TLR4: variants seen among roughly 807,000 people sequenced by gnomAD.
TLR4 encodes the protein toll like receptor 4.
Under a neutral mutation model 27.4 loss-of-function variants are expected in TLR4, and 17 were observed. The ratio of observed to expected loss-of-function variants is 0.62; its 90% CI spans 0.42 to 0.93. The LOEUF (loss-of-function observed/expected upper bound fraction) is 0.93, where lower values mean the gene tolerates loss of function less well. TLR4 is among the 40% of genes least tolerant of loss of function. The pLI, the probability that TLR4 is intolerant of heterozygous loss-of-function variation, is 0.00. For synonymous variants in TLR4, 363 were observed against 365.7 expected (o/e 0.99, Z 0.08); for missense variants, 926 against 962.3 (o/e 0.96, Z 0.50).
chr9:117,713,640 T>C lies in TLR4; in HGVS notation c.1512T>C (p.Ser504=), dbSNP rs1829283897. 1 of 1,614,100 alleles carries C rather than the reference T, an allele frequency of 6.2e-7. No individual in the cohort carries two copies. ...ELRNLTFLDL[S]QCQLEQLSPT... is the part of the protein sequence containing the mutation. ...GAAACTTGACCTTCCTGGACCTCTC[T>C]CAGTGTCAACTGGAGCAGTTGTCTC... is the stretch of plus-strand genomic sequence containing the variant. Residue 504 remains serine, a synonymous_variant, in exon 3 of 3, where the codon TCT becomes TCC. Coordinates refer to ENST00000355622, the MANE Select transcript of TLR4 (RefSeq NM_138554.5).
At position 117,721,361 on chromosome 9, in the gene TLR4, C is replaced by T. The variant is rs7037225; in HGVS notation, c.*6713C>T. Reference sequence around the variant, plus strand: ...AGAAGAGTATTTTCTATCCCAAGATCGGTTCCTTGATCTTGTGTCTCCAAA... The same window carrying T: ...AGAAGAGTATTTTCTATCCCAAGATTGGTTCCTTGATCTTGTGTCTCCAAA... On this transcript the variant is annotated 3_prime_UTR_variant, in exon 3 of 3. Coordinates refer to ENST00000355622, the MANE Select transcript of TLR4 (RefSeq NM_138554.5). The T allele has an allele frequency of 0.3, 46,273 of 152,236 alleles. 10,625 individuals carry two copies. The highest frequency in any genetic ancestry group is 0.65 in the African/African-American group (26,883 of 41,464). The allele number at this position is 152,236 out of a possible 1,614,324, so 9.4% of individuals were successfully genotyped here. A position where few individuals can be genotyped will look rare whatever the true frequency, so the allele number is the denominator to read the frequency against.
In TLR4 at chr9:117,718,932, T is replaced by C. The variant is rs61572277; in HGVS notation, c.*4284T>C. 14,158 of 152,266 alleles carry C rather than the reference T, an allele frequency of 0.093. 790 individuals carry two copies. Among genetic ancestry groups the C allele is most frequent in the African/African-American group, 0.15 (6,130 of 41,536 alleles). The allele number at this position is 152,266 out of a possible 1,614,324, so 9.4% of individuals were successfully genotyped here. A position where few individuals can be genotyped will look rare whatever the true frequency, so the allele number is the denominator to read the frequency against. The stretch of plus-strand genomic sequence containing the variant: ...TACTCACGGGATTGTCAGACCCCAG[T>C]CTTCTTCTGGACTCTATAAACTTTT... On this transcript the variant is annotated 3_prime_UTR_variant, in exon 3 of 3. Coordinates refer to ENST00000355622, the MANE Select transcript of TLR4 (RefSeq NM_138554.5).
rs1157877741 is a variant in TLR4, at chr9:117,720,668, T to C, written c.*6020T>C. On this transcript the variant is annotated 3_prime_UTR_variant, in exon 3 of 3. Transcript: ENST00000355622. ...ATGCTCCTAGGAAACTATCTCACTA[T>C]GTAATTAAATCAAAACCAGCCAGTT... 4 of 152,200 alleles carry C rather than the reference T, an allele frequency of 2.6e-5. No individual in the cohort carries two copies. The highest frequency in any genetic ancestry group is 6.5e-5 in the Admixed American group (1 of 15,268). 9.4% of individuals were successfully genotyped at this position (152,200 alleles called of 1,614,324 possible). A position where few individuals can be genotyped will look rare whatever the true frequency, so the allele number is the denominator to read the frequency against.
chr9:117,713,020 G>A lies in TLR4; in HGVS notation c.892G>A (p.Asp298Asn), dbSNP rs145284280. Residue 298 changes from aspartate to asparagine, a missense_variant, in exon 3 of 3, where the codon GAT (aspartate) becomes AAT (asparagine). Asp to Asn is a conservative substitution (Grantham distance 23). Coordinates refer to ENST00000355622, the MANE Select transcript of TLR4 (RefSeq NM_138554.5). The stretch of plus-strand genomic sequence containing the variant: ...ATTAGCATACTTAGACTACTACCTC[G>A]ATGATATTATTGACTTATTTAATTG... ...FRLAYLDYYL[D>N]DIIDLFNCLT... The A allele has an allele frequency of 2.5e-5, 40 of 1,613,882 alleles. No homozygotes were observed. In the African/African-American group the frequency reaches 4.3e-4, roughly 17 times the overall value.
Position 117,715,539 on chromosome 9 carries a change from TATC to T in TLR4, c.*894_*896del, listed in dbSNP as rs1176744084. The T allele has an allele frequency of 6.6e-6, 1 of 152,182 alleles. No homozygotes were observed. Among genetic ancestry groups the T allele is most frequent in the Admixed American group, 6.5e-5 (1 of 15,282 alleles). The allele number at this position is 152,182 out of a possible 1,614,324, so 9.4% of individuals were successfully genotyped here. ...GAAGAAAATTTCCGCTTCCTGGTCTTATCATGGACAATTTGGGCTAGAGGCAGG... is the reference window on the plus strand; with the variant it reads ...GAAGAAAATTTCCGCTTCCTGGTCTTATGGACAATTTGGGCTAGAGGCAGG... On this transcript the variant is annotated 3_prime_UTR_variant, in exon 3 of 3. Coordinates refer to ENST00000355622, the MANE Select transcript of TLR4 (RefSeq NM_138554.5).
At position 117,719,315 on chromosome 9, in the gene TLR4, G is replaced by A. The variant is rs1299274935; in HGVS notation, c.*4667G>A. The A allele has an allele frequency of 6.6e-6, 1 of 152,194 alleles. No homozygotes were observed. The highest frequency in any genetic ancestry group is 1.5e-5 in the Non-Finnish European group (1 of 68,024). The allele number at this position is 152,194 out of a possible 1,614,324, so 9.4% of individuals were successfully genotyped here. A position where few individuals can be genotyped will look rare whatever the true frequency, so the allele number is the denominator to read the frequency against. On this transcript the variant is annotated 3_prime_UTR_variant, in exon 3 of 3. Coordinates refer to ENST00000355622, the MANE Select transcript of TLR4 (RefSeq NM_138554.5). ...ATTTACAAATGAGGAGTCTGAGTCT[G>A]GGAGTCATTCTGTCATGTGTCCACT... is the stretch of plus-strand genomic sequence containing the variant.
In TLR4 at chr9:117,714,721, T is replaced by A; in HGVS notation, c.*73T>A. 1 of 1,309,024 alleles carries A rather than the reference T, an allele frequency of 7.6e-7. No individual in the cohort carries two copies. The highest frequency in any genetic ancestry group is 1.1e-6 in the Non-Finnish European group (1 of 915,792). 81.1% of individuals were successfully genotyped at this position (1,309,024 alleles called of 1,614,324 possible). ...CAACACTTGTTCAGTTAATAAGTAT[T>A]AAATGCTGCCACATGTCAGGCCTTA... On this transcript the variant is annotated 3_prime_UTR_variant, in exon 3 of 3. Coordinates refer to ENST00000355622, the MANE Select transcript of TLR4 (RefSeq NM_138554.5).
Position 117,714,380 on chromosome 9 carries a change from A to G in TLR4, c.2252A>G (p.Tyr751Cys). The change falls in exon 3 of 3, where the codon TAT becomes TGT. Residue 751 changes from tyrosine (Y) to cysteine (C), a missense_variant. Coordinates refer to ENST00000355622, the MANE Select transcript of TLR4 (RefSeq NM_138554.5). Reference sequence around the variant, plus strand: ...CAGAGCCGCTGGTGTATCTTTGAATATGAGATTGCTCAGACCTGGCAGTTT... The same window carrying G: ...CAGAGCCGCTGGTGTATCTTTGAATGTGAGATTGCTCAGACCTGGCAGTTT... ...FIQSRWCIFE[Y>C]EIAQTWQFLS... The G allele has an allele frequency of 6.2e-7, 1 of 1,605,072 alleles. No homozygotes were observed. The highest frequency in any genetic ancestry group is 8.5e-7 in the Non-Finnish European group (1 of 1,172,424).
intron 1 of TLR4, among the ~76,000 whole-genome samples, chr9:117,706,417 C>T (rs1159304191): frequency 6.6e-6 from 1 of 152,122 alleles, no homozygotes; most frequent in Admixed American, 6.5e-5. Context: ...GTAATGGAAT[C>T]GGTAAGGAGG....
Position 117,719,486 on chromosome 9 carries a change from A to T in TLR4, c.*4838A>T, listed in dbSNP as rs182042805. ...TTCCTATCTCACCATTATAATTTTGACTGATATTAAACAAAGAGAAGTATT... is the reference window on the plus strand; with the variant it reads ...TTCCTATCTCACCATTATAATTTTGTCTGATATTAAACAAAGAGAAGTATT... On this transcript the variant is annotated 3_prime_UTR_variant, in exon 3 of 3. Coordinates refer to ENST00000355622, the MANE Select transcript of TLR4 (RefSeq NM_138554.5). 232 of 152,276 alleles carry T rather than the reference A, an allele frequency of 1.5e-3. 1 individual carries two copies. The highest frequency in any genetic ancestry group is 5.5e-3 in the African/African-American group (228 of 41,550). 9.4% of individuals were successfully genotyped at this position (152,276 alleles called of 1,614,324 possible).
intron 2 of TLR4, among the ~76,000 whole-genome samples, chr9:117,711,589 T>G (rs5030725): frequency 0.053 from 8,105 of 152,238 alleles, 721 homozygotes; most frequent in African/African-American, 0.18. Flanking sequence ...TGGAAGCTAT[T>G]TGTCATGATT....
chr9:117,708,859 T>G, intron 2 of TLR4, 130 bp downstream of exon 2: 6 of 1,201,242 alleles, frequency 5.0e-6, no homozygotes, highest in Non-Finnish European at 7.2e-6. Context: ...AACAGATGTC[T>G]TATTAACTAT....
At position 117,718,607 on chromosome 9, in the gene TLR4, T is replaced by C. The variant is rs1344816894; in HGVS notation, c.*3959T>C. 6.6e-6 allele frequency: 1 copy of C among 152,094 alleles called. No individual in the cohort carries two copies. The highest frequency in any genetic ancestry group is 1.5e-5 in the Non-Finnish European group (1 of 68,026). 9.4% of individuals were successfully genotyped at this position (152,094 alleles called of 1,614,324 possible). On this transcript the variant is annotated 3_prime_UTR_variant, in exon 3 of 3. Transcript: ENST00000355622. ...GAAAGCCAAAACTCAAATTCACTCC[T>C]TATCAACTGTGTGCCTTGGGCTCCA...
At chr9:117,710,452 T>C (rs12377632) in intron 2 of TLR4, among the ~76,000 whole-genome samples, 45,842 of 136,222 alleles carry the variant, frequency 0.34, 8,253 homozygotes, top group East Asian at 0.62. Flanking sequence ...CACCTCTCCC[T>C]TTTTTTTTTT....
Position 117,712,964 on chromosome 9 carries a change from G to A in TLR4, c.836G>A (p.Gly279Asp). The A allele has an allele frequency of 5.0e-6, 8 of 1,614,056 alleles. No homozygotes were observed. The highest frequency in any genetic ancestry group is 6.8e-6 in the Non-Finnish European group (8 of 1,179,972). The stretch of plus-strand genomic sequence containing the variant: ...AAGTTTGACAAATCTGCTCTAGAGG[G>A]CCTGTGCAATTTGACCATTGAAGAA... ...LEKFDKSALE[G>D]LCNLTIEEFR... is the part of the protein sequence containing the mutation. Residue 279 changes from glycine to aspartate, a missense_variant, in exon 3 of 3, where the codon GGC (glycine) becomes GAC (aspartate). Physicochemically the swap from Gly to Asp is moderately conservative, Grantham distance 94. Transcript: ENST00000355622.
intron 2 of TLR4, among the ~76,000 whole-genome samples, chr9:117,711,650 GTTCAC>G (rs1753565041): frequency 6.6e-6 from 1 of 151,942 alleles, no homozygotes; most frequent in Admixed American, 6.6e-5. Flanking sequence ...TGTGTTTGCT[GTTCAC>G]TTCACCTCCT....
chr9:117,713,126 A>T lies in TLR4; in HGVS notation c.998A>T (p.Gln333Leu), dbSNP rs1349418908. The change falls in exon 3 of 3, where the codon CAA (glutamine) becomes CTA (leucine). Residue 333 changes from glutamine to leucine, a missense_variant. Gln to Leu is a moderately radical substitution (Grantham distance 113). Transcript: ENST00000355622. ...VKDFSYNFGW[Q>L]HLELVNCKFG... is the part of the protein sequence containing the mutation. ...GACTTTTCTTATAATTTCGGATGGC[A>T]ACATTTAGAATTAGTTAACTGTAAA... 13 of 1,612,322 alleles carry T rather than the reference A, an allele frequency of 8.1e-6. No homozygotes were observed. Among genetic ancestry groups the T allele is most frequent in the Non-Finnish European group, 1.0e-5 (12 of 1,178,902 alleles).
intron 2 of TLR4, chr9:117,709,052 C>T (rs1253077441): frequency 3.2e-6 from 1 of 312,936 alleles, no homozygotes; most frequent in Admixed American, 4.7e-5. Flanking sequence ...ATATGTTGTA[C>T]ACTCTGCAAG....
rs1403206211 is a variant in TLR4 at position 117,716,902 on chromosome 9, A to G, written c.*2254A>G. On this transcript the variant is annotated 3_prime_UTR_variant, in exon 3 of 3. Transcript: ENST00000355622. ...TCTGAATGAAGCTATAAAAAAGAAA[A>G]GACAACAAAATTCAGTTGTCAAAAC... 1 of 152,226 alleles carries G rather than the reference A, an allele frequency of 6.6e-6. No individual in the cohort carries two copies. The highest frequency in any genetic ancestry group is 1.5e-5 in the Non-Finnish European group (1 of 68,036). 9.4% of individuals were successfully genotyped at this position (152,226 alleles called of 1,614,324 possible). A position where few individuals can be genotyped will look rare whatever the true frequency, so the allele number is the denominator to read the frequency against.
Sources: gnomAD v4.1 joint callset for allele counts (sites outside exome capture counted in the v4.1 genomes callset) on GRCh38, gnomAD v4.1.1 for gene constraint, MANE v1.5 for transcripts, NCBI Gene and HGNC (gene_info 2026-07-23, HGNC 2026-07-21) for gene names.